Variants in ITPK1 observed in about 807,000 individuals in gnomAD.
ITPK1 encodes inositol 1,3,4-trisphosphate 5/6-kinase.
Under a neutral mutation model 45.3 loss-of-function variants are expected in ITPK1, and 21 were observed. The observed-to-expected ratio is 0.46, with a 90% CI of 0.33 to 0.67. The LOEUF (loss-of-function observed/expected upper bound fraction) is 0.67, where lower values mean the gene tolerates loss of function less well. ITPK1 is among the 30% of genes least tolerant of loss of function. The pLI is 0.02. For synonymous variants in ITPK1, 258 were observed against 253.6 expected (o/e 1.02, Z -0.16); for missense variants, 474 against 573.5 (o/e 0.83, Z 1.77).
intron 2 of ITPK1, among the ~76,000 whole-genome samples, chr14:93,101,385 G>C (rs1410797656): frequency 6.6e-6 from 1 of 152,244 alleles, no homozygotes; most frequent in Non-Finnish European, 1.5e-5. Context: ...ACACAGGTGA[G>C]TAAGGGGCCA....
intron 2 of ITPK1, among the ~76,000 whole-genome samples, chr14:93,079,322 C>T (rs1006225890): frequency 2.0e-5 from 3 of 152,222 alleles, no homozygotes; most frequent in Non-Finnish European, 4.4e-5. Flanking sequence ...AGGGGGCCAC[C>T]CACGTATGCT....
intron 4 of ITPK1, among the ~76,000 whole-genome samples, chr14:92,996,691 C>T (rs1245909366): frequency 3.9e-5 from 6 of 152,166 alleles, no homozygotes; most frequent in African/African-American, 1.4e-4. Context: ...CGCTTCACCC[C>T]GCCAGATCTA....
chr14:93,064,816 C>T (rs376649051), intron 3 of ITPK1, among the ~76,000 whole-genome samples: 2 of 152,146 alleles, frequency 1.3e-5, no homozygotes, highest in African/African-American at 2.4e-5. Flanking sequence ...GAGGCAAAGA[C>T]GGGAGCCACT....
At chr14:92,956,222 C>T (rs865822317) in intron 8 of ITPK1, among the ~76,000 whole-genome samples, 1 of 151,718 alleles carries the variant, frequency 6.6e-6, no homozygotes, top group Non-Finnish European at 1.5e-5. Context: ...TGGGCCCAAG[C>T]GATCCTCCTG....
intron 2 of ITPK1, among the ~76,000 whole-genome samples, chr14:93,096,004 T>C (rs554535383): frequency 2.0e-5 from 3 of 152,030 alleles, no homozygotes; most frequent in African/African-American, 7.3e-5. Context: ...GCCTTCTACC[T>C]CCTGTAAAAT....
intron 5 of ITPK1, among the ~76,000 whole-genome samples, chr14:92,990,935 C>G (rs1456538861): frequency 1.3e-5 from 2 of 152,300 alleles, no homozygotes; most frequent in Admixed American, 1.3e-4. Context: ...GAAGCACCCA[C>G]CCGTCCCCCA....
At chr14:92,990,965 A>T (rs1350205849) in intron 5 of ITPK1, among the ~76,000 whole-genome samples, 2 of 151,948 alleles carry the variant, frequency 1.3e-5, no homozygotes, top group Admixed American at 1.3e-4. Context: ...TTTTCCCTGC[A>T]GCTGTCCAGA....
chr14:93,036,022 G>T lies in ITPK1; in HGVS notation c.121-19221C>A, dbSNP rs1350769777. On this transcript the variant is annotated intron_variant, in intron 3 of 10. Coordinates refer to ENST00000267615, the MANE Select transcript of ITPK1 (RefSeq NM_014216.6). This position sits in a 1 kb window ranked among gnomAD's most constrained non-coding sequence, Gnocchi z 4.1. Reference sequence around the variant, plus strand: ...TTTGAATTGTTCTAATTCCTGAGGAGCATCCTCAGAGTTTGGAAACAGGTG... The same window carrying T: ...TTTGAATTGTTCTAATTCCTGAGGATCATCCTCAGAGTTTGGAAACAGGTG... Among the ~76,000 whole-genome samples, 1 of 152,196 alleles carries T rather than the reference G, an allele frequency of 6.6e-6. No individual in the cohort carries two copies. Among genetic ancestry groups the T allele is most frequent in the Non-Finnish European group, 1.5e-5 (1 of 68,028 alleles).
At chr14:93,048,716 AG>A (rs763067325) in intron 3 of ITPK1, among the ~76,000 whole-genome samples, 2 of 152,224 alleles carry the variant, frequency 1.3e-5, no homozygotes, top group Non-Finnish European at 2.9e-5. Flanking sequence ...TGGGAGGCCA[AG>A]GTGGGTGGAT....
intron 4 of ITPK1, among the ~76,000 whole-genome samples, chr14:92,999,434 A>G (rs1257714725): frequency 6.6e-6 from 1 of 152,226 alleles, no homozygotes; most frequent in Non-Finnish European, 1.5e-5. Context: ...AATTCTGCCC[A>G]CTGGGCTGCA....
intron 3 of ITPK1, among the ~76,000 whole-genome samples, chr14:93,029,907 G>A (rs1888949265): frequency 6.6e-6 from 1 of 152,220 alleles, no homozygotes; most frequent in Non-Finnish European, 1.5e-5. Context: ...ACATCTGACT[G>A]TCCCAAAGCT....
chr14:93,010,048 T>C (rs1334848682), intron 4 of ITPK1, among the ~76,000 whole-genome samples: 1 of 152,136 alleles, frequency 6.6e-6, no homozygotes, highest in Non-Finnish European at 1.5e-5. Context: ...AGAACGCCCG[T>C]GGCAGAATGG....
chr14:92,973,688 C>T (rs1051495321), intron 5 of ITPK1, among the ~76,000 whole-genome samples: 19 of 152,198 alleles, frequency 1.2e-4, no homozygotes, highest in Non-Finnish European at 7.3e-5. Flanking sequence ...CCAGCGATGA[C>T]GATGGCAGCC....
chr14:92,948,755 T>C (rs1396199086), intron 9 of ITPK1, among the ~76,000 whole-genome samples: 1 of 149,942 alleles, frequency 6.7e-6, no homozygotes, highest in East Asian at 2.0e-4. Flanking sequence ...CACTGGGAAC[T>C]TCCAGGGAGG....
intron 2 of ITPK1, among the ~76,000 whole-genome samples, chr14:93,088,341 GTTT>G (rs1179019290): frequency 3.0e-5 from 4 of 132,702 alleles, no homozygotes; most frequent in Non-Finnish European, 3.2e-5. Context: ...GTTTTGTTTT[GTTT>G]TTTTTTTTTT....
intron 10 of ITPK1, among the ~76,000 whole-genome samples, chr14:92,943,470 C>T (rs975605743): frequency 2.6e-5 from 4 of 152,212 alleles, no homozygotes; most frequent in Non-Finnish European, 5.9e-5. Flanking sequence ...CCGGGGTGTC[C>T]GTCGGCCCTG....
intron 2 of ITPK1, among the ~76,000 whole-genome samples, chr14:93,110,154 C>T (rs966994923): frequency 1.3e-5 from 2 of 152,160 alleles, no homozygotes; most frequent in Non-Finnish European, 2.9e-5. Context: ...GAAACTGAGG[C>T]AGTCCCTTCA....
intron 4 of ITPK1, among the ~76,000 whole-genome samples, chr14:92,996,717 A>C (rs1887075228): frequency 6.6e-6 from 1 of 152,148 alleles, no homozygotes; most frequent in Admixed American, 6.5e-5. Context: ...CTGGCTAGCA[A>C]GTTCATGTCC....
intron 4 of ITPK1, among the ~76,000 whole-genome samples, chr14:93,013,375 C>A (rs1888012425): frequency 6.6e-6 from 1 of 152,206 alleles, no homozygotes; most frequent in Non-Finnish European, 1.5e-5. Flanking sequence ...CTGCAGTAAG[C>A]CTCTGGCCCA....
Sources: allele counts gnomAD v4.1 joint callset (sites outside exome capture counted in the v4.1 genomes callset), GRCh38; gene constraint gnomAD v4.1.1; non-coding constraint Gnocchi (gnomAD v3.1); transcripts MANE v1.5; gene names NCBI Gene and HGNC (gene_info 2026-07-23, HGNC 2026-07-21).